EMC3: variants seen among roughly 807,000 people sequenced by gnomAD.
EMC3 encodes the protein 30 kDa protein.
EMC3 carries 13 observed loss-of-function variants against 36.6 expected under a neutral mutation model. The ratio of observed to expected loss-of-function variants is 0.35; its 90% CI spans 0.23 to 0.56. The LOEUF (loss-of-function observed/expected upper bound fraction) is 0.56, where lower values mean the gene tolerates loss of function less well. Ranked by LOEUF, EMC3 falls within the 20% of genes least tolerant of loss-of-function variation. The pLI, the probability that EMC3 is intolerant of heterozygous loss-of-function variation, is 0.84. For synonymous variants in EMC3, 120 were observed against 111.9 expected, an observed-to-expected ratio of 1.07 and a Z score of -0.46; for missense variants, 220 against 324.5, an observed-to-expected ratio of 0.68 and a Z score of 2.47.
intron 4 of EMC3, among the ~76,000 whole-genome samples, chr3:9,973,959 G>T (rs577350605): frequency 4.9e-4 from 75 of 152,224 alleles, no homozygotes; most frequent in African/African-American, 1.8e-3. Flanking sequence ...CTGAAATTTG[G>T]AAAAAACTTG....
intron 7 of EMC3, 104 bp from the exon 8 acceptor site, chr3:9,964,301 C>T (rs2085716538): frequency 6.0e-6 from 9 of 1,504,824 alleles, no homozygotes; most frequent in Non-Finnish European, 8.0e-6. Context: ...CTGGAGTGAG[C>T]TATCTGCATG....
At chr3:10,002,010 T>C (rs2086207246) in intron 1 of EMC3, among the ~76,000 whole-genome samples, 1 of 151,924 alleles carries the variant, frequency 6.6e-6, no homozygotes, top group Admixed American at 6.6e-5. Flanking sequence ...AAAAAATACA[T>C]ATATATATAT....
chr3:10,000,155 C>A (rs2086179930), intron 1 of EMC3, among the ~76,000 whole-genome samples: 1 of 152,082 alleles, frequency 6.6e-6, no homozygotes, highest in South Asian at 2.1e-4. Context: ...AGTTCTCTCT[C>A]AGCCTCCCAA....
chr3:9,966,765 G>A (rs1235498590), intron 7 of EMC3, among the ~76,000 whole-genome samples: 2 of 151,678 alleles, frequency 1.3e-5, no homozygotes, highest in Non-Finnish European at 2.9e-5. Flanking sequence ...AGTGGAGATG[G>A]CATTTCACCA....
In EMC3 at chr3:9,986,797, G is replaced by A; in HGVS notation, c.-136C>T. The A allele has an allele frequency of 6.8e-7, 1 of 1,462,014 alleles. No individual in the cohort carries two copies. Among genetic ancestry groups the A allele is most frequent in the East Asian group, 2.4e-5 (1 of 41,704 alleles). 90.6% of individuals were successfully genotyped at this position (1,462,014 alleles called of 1,614,324 possible). ...TACCCCAGAACTCTCCTGCGACTGT[G>A]AGCCGAGCTTACTGCCTTCAGCTGG... On this transcript the variant is annotated 5_prime_UTR_variant, in exon 1 of 8. Transcript: ENST00000245046.
intron 1 of EMC3, among the ~76,000 whole-genome samples, chr3:9,985,521 A>G (rs1327773747): frequency 6.6e-6 from 1 of 152,222 alleles, no homozygotes; most frequent in Non-Finnish European, 1.5e-5. Context: ...TGCTGGGAGA[A>G]AACTATTACT....
At chr3:9,985,319 G>A (rs763470144) in intron 1 of EMC3, among the ~76,000 whole-genome samples, 2 of 152,202 alleles carry the variant, frequency 1.3e-5, no homozygotes, top group Non-Finnish European at 2.9e-5. Flanking sequence ...TTCTTAGCCT[G>A]AGGCTTACTC....
At chr3:9,984,907 C>A (rs2085953623) in intron 1 of EMC3, among the ~76,000 whole-genome samples, 1 of 152,160 alleles carries the variant, frequency 6.6e-6, no homozygotes. Context: ...CTTGTTAAAG[C>A]CTCTGTTTCT....
chr3:9,965,227 C>T (rs1251652997), intron 7 of EMC3, among the ~76,000 whole-genome samples: 1 of 151,488 alleles, frequency 6.6e-6, no homozygotes, highest in Non-Finnish European at 1.5e-5. Context: ...GGCAACACAG[C>T]GAGATCCCAT....
intron 1 of EMC3, among the ~76,000 whole-genome samples, chr3:9,999,655 C>T (rs2086173656): frequency 1.3e-5 from 2 of 152,186 alleles, no homozygotes; most frequent in Non-Finnish European, 2.9e-5. Flanking sequence ...TTGGCAAAAG[C>T]ACCATTCCCA....
chr3:9,974,425 A>G lies in EMC3; in HGVS notation c.371T>C (p.Ile124Thr). 2.5e-6 allele frequency: 4 copies of G among 1,614,006 alleles called. No homozygotes were observed. Among genetic ancestry groups the G allele is most frequent in the Non-Finnish European group, 3.4e-6 (4 of 1,179,846 alleles). The change falls in exon 4 of 8, where the codon ATT becomes ACT. Residue 124 changes from isoleucine to threonine, a missense_variant. Physicochemically the swap from Ile to Thr is moderately conservative, Grantham distance 89. This residue lies in a region of EMC3 where 127 missense variants were observed against 174.6 expected (regional missense o/e 0.73). Transcript: ENST00000245046. Reference protein sequence around the residue: ...NVTNVLPMILIGGWINMTFSG... With the variant: ...NVTNVLPMILTGGWINMTFSG... ...GAATGTCATGTTGATCCATCCACCA[A>G]TAAGAATCATAGGGAGGACATTTGT...
rs1216894993 is a variant in EMC3, at chr3:9,977,237, T to C, written c.213+152A>G. The stretch of plus-strand genomic sequence containing the variant: ...TTTAAAAACAATTTCCTAAGAAGGG[T>C]GAGGTCACCATGAGAGCAAACACCA... On this transcript the variant is annotated intron_variant, in intron 2 of 7. Transcript: ENST00000245046. 9.4e-6 allele frequency: 8 copies of C among 847,846 alleles called. No individual in the cohort carries two copies. In the East Asian group the frequency reaches 2.1e-4, roughly 22 times the overall value. 52.5% of individuals were successfully genotyped at this position (847,846 alleles called of 1,614,324 possible). A position where few individuals can be genotyped will look rare whatever the true frequency, so the allele number is the denominator to read the frequency against.
chr3:9,969,886 T>G, intron 6 of EMC3, 85 bp from the exon 7 acceptor site: 1 of 1,553,430 alleles, frequency 6.4e-7, no homozygotes, highest in East Asian at 2.3e-5. Context: ...TCACACAGAT[T>G]AGAGAACTGG....
At chr3:9,995,464 C>T (rs2086111385) in intron 1 of EMC3, among the ~76,000 whole-genome samples, 1 of 150,154 alleles carries the variant, frequency 6.7e-6, no homozygotes, top group African/African-American at 2.4e-5. Flanking sequence ...CTGGCATATT[C>T]CTAAATCTCC....
chr3:9,976,460 T>A (rs2085851262), intron 3 of EMC3, among the ~76,000 whole-genome samples: 1 of 152,168 alleles, frequency 6.6e-6, no homozygotes, highest in Non-Finnish European at 1.5e-5. Flanking sequence ...TCAGTGGAAG[T>A]AGAAAATGTT....
At chr3:9,987,232 AG>A (rs1184930060), upstream of EMC3, 2 of 979,014 alleles carry the variant, frequency 2.0e-6, no homozygotes, top group South Asian at 4.7e-5. Flanking sequence ...AAAAAAAAAA[AG>A]AAAGAAAACT....
intron 1 of EMC3, among the ~76,000 whole-genome samples, chr3:9,984,777 T>A (rs897002311): frequency 6.6e-6 from 1 of 152,170 alleles, no homozygotes; most frequent in Non-Finnish European, 1.5e-5. Context: ...GATAAAGTGA[T>A]CGCTGTAGTA....
At chr3:9,980,989 G>T (rs974273609) in intron 1 of EMC3, among the ~76,000 whole-genome samples, 1 of 152,068 alleles carries the variant, frequency 6.6e-6, no homozygotes, top group African/African-American at 2.4e-5. Flanking sequence ...GAGCCCTGGA[G>T]CCCTGGAGTT....
intron 7 of EMC3, among the ~76,000 whole-genome samples, chr3:9,966,314 C>G (rs2085736326): frequency 6.6e-6 from 1 of 151,204 alleles, no homozygotes; most frequent in Non-Finnish European, 1.5e-5. Flanking sequence ...CCTCCGCCTC[C>G]CAGGTTTAGG....
Sources: gnomAD v4.1 joint callset for allele counts (sites outside exome capture counted in the v4.1 genomes callset) on GRCh38, gnomAD v4.1.1 for gene constraint, gnomAD v4.1.1 regional missense constraint, MANE v1.5 for transcripts, NCBI Gene and HGNC (gene_info 2026-07-23, HGNC 2026-07-21) for gene names.